INTS9: variants seen among roughly 807,000 people sequenced by gnomAD.
INTS9 encodes integrator complex subunit 9.
In INTS9, 55 loss-of-function variants were observed where a neutral mutation model predicts 79.7. The observed-to-expected ratio is 0.69, with a 90% CI of 0.56 to 0.86. The LOEUF is 0.86. INTS9 is among the 40% of genes least tolerant of loss of function. INTS9 has a pLI of 0.00. For missense variants in INTS9, 721 were observed against 831.5 expected (o/e 0.87, Z 1.64); for synonymous variants, 319 against 325.2 (o/e 0.98, Z 0.20).
intron 3 of INTS9, among the ~76,000 whole-genome samples, chr8:28,847,158 C>T (rs1485785769): frequency 6.6e-6 from 1 of 152,096 alleles, no homozygotes; most frequent in East Asian, 1.9e-4. Context: ...TATGTGGGGA[C>T]ATGGATTACA....
chr8:28,813,481 T>A lies in INTS9; in HGVS notation c.609+11A>T, dbSNP rs767828218. 16 of 1,611,720 alleles carry A rather than the reference T, an allele frequency of 9.9e-6. No individual in the cohort carries two copies. The highest frequency in any genetic ancestry group is 2.2e-5 in the East Asian group (1 of 44,870). On this transcript the variant is annotated intron_variant, in intron 7 of 16. Transcript: ENST00000521022. Reference sequence around the variant, plus strand: ...ATTCATGAATAACTGAAATGTAATATGAATACTCACAATTTTCTGAGAATA... The same window carrying A: ...ATTCATGAATAACTGAAATGTAATAAGAATACTCACAATTTTCTGAGAATA...
chr8:28,870,480 A>G (rs1809027997), intron 1 of INTS9, among the ~76,000 whole-genome samples: 1 of 152,134 alleles, frequency 6.6e-6, no homozygotes, highest in Non-Finnish European at 1.5e-5. Flanking sequence ...GCAAGAAAGA[A>G]AAATGGTTAA....
At chr8:28,884,157 C>T (rs983711991) in intron 1 of INTS9, among the ~76,000 whole-genome samples, 4 of 126,802 alleles carry the variant, frequency 3.2e-5, no homozygotes, top group Non-Finnish European at 6.5e-5. Context: ...AAAAGTCTGT[C>T]ATCAGTGTAT....
intron 8 of INTS9, among the ~76,000 whole-genome samples, chr8:28,802,733 C>T (rs961704551): frequency 6.6e-6 from 1 of 152,082 alleles, no homozygotes; most frequent in African/African-American, 2.4e-5. Context: ...AGAGTAACAA[C>T]AAAATATTCT....
chr8:28,775,482 CG>C (rs974200650), intron 14 of INTS9, among the ~76,000 whole-genome samples: 1 of 152,114 alleles, frequency 6.6e-6, no homozygotes, highest in Non-Finnish European at 1.5e-5. Context: ...ATTACAGATG[CG>C]TGCCACCACA....
At chr8:28,880,384 G>A (rs868859953) in intron 1 of INTS9, among the ~76,000 whole-genome samples, 2 of 151,876 alleles carry the variant, frequency 1.3e-5, no homozygotes, top group South Asian at 2.1e-4. Flanking sequence ...TCAGCCTGCC[G>A]AGTGCCTGCG....
At chr8:28,854,728 T>C (rs185546908) in intron 2 of INTS9, among the ~76,000 whole-genome samples, 61 of 152,048 alleles carry the variant, frequency 4.0e-4, no homozygotes, top group African/African-American at 1.4e-3. Flanking sequence ...AGCATGCAAA[T>C]TGATGGGGAC....
In INTS9 at chr8:28,860,763, T is replaced by C. The variant is rs548324936; in HGVS notation, c.10-1200A>G. Among the ~76,000 whole-genome samples the C allele has an allele frequency of 7.9e-5, 12 of 152,342 alleles. No homozygotes were observed. The South Asian group carries it at 2.3e-3, about 29-fold the overall frequency. On this transcript the variant is annotated intron_variant, in intron 1 of 16. Coordinates refer to ENST00000521022, the MANE Select transcript of INTS9 (RefSeq NM_018250.4). ...TCCCAAAGTGCTGGGGTTATAGGCG[T>C]GAGCCATGGCGCCCGACCCTCTCCT...
chr8:28,850,090 G>A (rs1253063659), intron 3 of INTS9, 123 bp downstream of exon 3: 1 of 664,238 alleles, frequency 1.5e-6, no homozygotes, highest in Non-Finnish European at 2.6e-6. Context: ...ATAGATCTTG[G>A]GGATTTTCAG....
Position 28,770,972 on chromosome 8 carries a change from C to A in INTS9, c.1662+10G>T, listed in dbSNP as rs1295681196. 3 of 1,609,550 alleles carry A rather than the reference C, an allele frequency of 1.9e-6. No individual in the cohort carries two copies. In the African/African-American group the frequency reaches 4.0e-5, roughly 22 times the overall value. On this transcript the variant is annotated intron_variant, in intron 15 of 16. Coordinates refer to ENST00000521022, the MANE Select transcript of INTS9 (RefSeq NM_018250.4). ...GAGGGTCCCCTGCACTCCCACCCAG[C>A]ACCCCCTACCTGAAGCAAGTGCTTG...
intron 8 of INTS9, among the ~76,000 whole-genome samples, chr8:28,808,878 A>G (rs1804957276): frequency 6.6e-6 from 1 of 152,178 alleles, no homozygotes; most frequent in Admixed American, 6.5e-5. Flanking sequence ...CCTAGTTAGT[A>G]AAGATTGTAC....
At chr8:28,843,726 CTTTTTCTTTT>C in intron 4 of INTS9, among the ~76,000 whole-genome samples, 1 of 151,250 alleles carries the variant, frequency 6.6e-6, no homozygotes. Context: ...TTTCTTCTTC[CTTTTTCTTTT>C]TTTTTTTTTA....
intron 2 of INTS9, among the ~76,000 whole-genome samples, chr8:28,858,256 A>G (rs1808279340): frequency 6.6e-6 from 1 of 152,184 alleles, no homozygotes. Context: ...GTGTAATTAA[A>G]TCTTCATCTG....
chr8:28,818,655 T>C (rs1462566252), intron 6 of INTS9, among the ~76,000 whole-genome samples: 1 of 150,642 alleles, frequency 6.6e-6, no homozygotes, highest in African/African-American at 2.4e-5. Context: ...ATCAGGATGA[T>C]GCTGGCCTCA....
At chr8:28,867,386 T>A (rs1808815046) in intron 1 of INTS9, among the ~76,000 whole-genome samples, 1 of 151,830 alleles carries the variant, frequency 6.6e-6, no homozygotes, top group Non-Finnish European at 1.5e-5. Context: ...GCCACTGGAC[T>A]CCAGCCTAGG....
rs536774526 is a variant in INTS9 at position 28,779,166 on chromosome 8, C to A, written c.1271-1213G>T. On this transcript the variant is annotated intron_variant, in intron 12 of 16. Coordinates refer to ENST00000521022, the MANE Select transcript of INTS9 (RefSeq NM_018250.4). ...CAGGAGCAGGAGACACCAACCTCAG[C>A]CCCACTACATAGGACATTCTCTGGA... 5.9e-5 allele frequency among the ~76,000 whole-genome samples: 9 copies of A among 152,318 alleles called. No homozygotes were observed. The East Asian group carries it at 1.7e-3, about 29-fold the overall frequency.
chr8:28,834,318 A>G (rs1366934549), intron 6 of INTS9, among the ~76,000 whole-genome samples: 2 of 152,152 alleles, frequency 1.3e-5, no homozygotes, highest in African/African-American at 4.8e-5. Context: ...TCCCCAAAAC[A>G]AACGTAGTCA....
intron 4 of INTS9, among the ~76,000 whole-genome samples, chr8:28,839,039 G>A (rs1466402632): frequency 3.3e-5 from 5 of 152,132 alleles, no homozygotes; most frequent in East Asian, 1.9e-4. Context: ...GCCCTCCACC[G>A]TGGAGGAGCT....
chr8:28,816,326 C>T (rs1157350129), intron 6 of INTS9, among the ~76,000 whole-genome samples: 1 of 136,554 alleles, frequency 7.3e-6, no homozygotes, highest in African/African-American at 2.7e-5. Flanking sequence ...CAACAGTCCC[C>T]AGAGTGTGAT....
Sources: allele counts gnomAD v4.1 joint callset (sites outside exome capture counted in the v4.1 genomes callset), GRCh38; gene constraint gnomAD v4.1.1; transcripts MANE v1.5; gene names NCBI Gene and HGNC (gene_info 2026-07-23, HGNC 2026-07-21).